Variants in VSTM4 observed in about 807,000 individuals in gnomAD.
VSTM4 encodes the protein V-set and transmembrane domain-containing protein 4.
Under a neutral mutation model 36.4 loss-of-function variants are expected in VSTM4, and 20 were observed. That is an observed-to-expected ratio of 0.55 (90% CI 0.39 to 0.80). The LOEUF (loss-of-function observed/expected upper bound fraction) is 0.80, where lower values mean the gene tolerates loss of function less well. Ranked by LOEUF, VSTM4 falls within the 30% of genes least tolerant of loss-of-function variation. The pLI is 0.00. For missense variants in VSTM4, 392 were observed against 404.5 expected, an observed-to-expected ratio of 0.97 and a Z score of 0.26; for synonymous variants, 182 against 173.9, an observed-to-expected ratio of 1.05 and a Z score of -0.37.
chr10:49,077,778 G>T (rs1304163699), intron 3 of VSTM4, among the ~76,000 whole-genome samples: 1 of 152,144 alleles, frequency 6.6e-6, no homozygotes, highest in Non-Finnish European at 1.5e-5. Context: ...TGACACAAGA[G>T]GCACCGTCTA....
At chr10:49,081,853 C>T (rs1844284583) in intron 3 of VSTM4, among the ~76,000 whole-genome samples, 1 of 152,226 alleles carries the variant, frequency 6.6e-6, no homozygotes, top group African/African-American at 2.4e-5. Flanking sequence ...AAAAGTGCTG[C>T]CTTGCAGGAG....
chr10:49,040,421 T>C (rs1358281676), intron 7 of VSTM4, among the ~76,000 whole-genome samples: 2 of 152,090 alleles, frequency 1.3e-5, no homozygotes, highest in Admixed American at 1.3e-4. Context: ...TAGCTGGGAT[T>C]ACAGGCATGT....
At chr10:49,035,409 C>G (rs534323978) in intron 7 of VSTM4, among the ~76,000 whole-genome samples, 1 of 152,306 alleles carries the variant, frequency 6.6e-6, no homozygotes, top group South Asian at 2.1e-4. Flanking sequence ...AGTTCCTTCT[C>G]AAAGCACAAA....
intron 2 of VSTM4, among the ~76,000 whole-genome samples, chr10:49,086,969 G>A (rs1474696830): frequency 6.6e-6 from 1 of 152,210 alleles, no homozygotes; most frequent in African/African-American, 2.4e-5. Flanking sequence ...ATCAACAAAA[G>A]AGACAAGAAA....
In VSTM4 at chr10:49,103,641, T is replaced by C. The variant is rs906381651; in HGVS notation, c.457+3953A>G. 4 of 1,529,694 alleles carry C rather than the reference T, an allele frequency of 2.6e-6. No homozygotes were observed. In the South Asian group the frequency reaches 4.0e-5, roughly 15 times the overall value. 94.8% of individuals were successfully genotyped at this position (1,529,694 alleles called of 1,614,324 possible). A position where few individuals can be genotyped will look rare whatever the true frequency, so the allele number is the denominator to read the frequency against. On this transcript the variant is annotated intron_variant, in intron 2 of 7. Coordinates refer to ENST00000332853, the MANE Select transcript of VSTM4 (RefSeq NM_001031746.5). ...ATATATCATCGCAAGTCACCCTCCA[T>C]GTGCTGGGCGAGGTGTTCATGACAG...
chr10:49,058,837 T>C (rs932831773), intron 5 of VSTM4, among the ~76,000 whole-genome samples: 1 of 152,276 alleles, frequency 6.6e-6, no homozygotes, highest in Admixed American at 6.5e-5. Context: ...CATCTTCTCC[T>C]GACCCTGTGC....
chr10:49,086,427 A>T (rs1844371833), intron 2 of VSTM4, among the ~76,000 whole-genome samples: 1 of 152,154 alleles, frequency 6.6e-6, no homozygotes, highest in Non-Finnish European at 1.5e-5. Flanking sequence ...TCATCAGATG[A>T]CTCAAGGTTA....
At chr10:49,035,216 C>T (rs1843409380) in intron 7 of VSTM4, among the ~76,000 whole-genome samples, 1 of 152,192 alleles carries the variant, frequency 6.6e-6, no homozygotes, top group South Asian at 2.1e-4. Context: ...TGCACCTGCT[C>T]ACCTTGGTCA....
intron 7 of VSTM4, among the ~76,000 whole-genome samples, chr10:49,024,809 G>A (rs1843232977): frequency 6.6e-6 from 1 of 152,120 alleles, no homozygotes; most frequent in Non-Finnish European, 1.5e-5. Context: ...GAACTAAGTA[G>A]CCCTGGGTAT....
intron 7 of VSTM4, among the ~76,000 whole-genome samples, chr10:49,033,407 A>C (rs1409364693): frequency 1.5e-5 from 2 of 133,066 alleles, no homozygotes; most frequent in Non-Finnish European, 3.3e-5. Context: ...ACATATTGGG[A>C]ATATATAATA....
chr10:49,099,025 G>A (rs891152009), intron 2 of VSTM4, among the ~76,000 whole-genome samples: 19 of 152,154 alleles, frequency 1.2e-4, no homozygotes, highest in Non-Finnish European at 2.6e-4. Flanking sequence ...CTCTGAAGGC[G>A]GTTGCTCATT....
intron 5 of VSTM4, among the ~76,000 whole-genome samples, chr10:49,053,209 T>C (rs2131965731): frequency 6.6e-6 from 1 of 152,312 alleles, no homozygotes; most frequent in Admixed American, 6.5e-5. Flanking sequence ...GAAGTGCTAT[T>C]TGTGGGAGCT....
chr10:49,027,083 G>A (rs911912047), intron 7 of VSTM4, among the ~76,000 whole-genome samples: 3 of 152,062 alleles, frequency 2.0e-5, no homozygotes, highest in African/African-American at 7.2e-5. Context: ...TGACACTGAT[G>A]CCATTGGCGG....
Position 49,115,489 on chromosome 10 carries a change from CCCG to C in VSTM4, c.-7_-5del, listed in dbSNP as rs1275874539. 2 of 1,002,496 alleles carry C rather than the reference CCCG, an allele frequency of 2.0e-6. No individual in the cohort carries two copies. Among genetic ancestry groups the C allele is most frequent in the Non-Finnish European group, 1.2e-6 (1 of 842,694 alleles). The allele number at this position is 1,002,496 out of a possible 1,614,324, so 62.1% of individuals were successfully genotyped here. A position where few individuals can be genotyped will look rare whatever the true frequency, so the allele number is the denominator to read the frequency against. On this transcript the variant is annotated 5_prime_UTR_variant, in exon 1 of 8. Transcript: ENST00000332853. ...CCGCCAGTGCCAGCAGCCGCATCTC[CCCG>C]CCGCCGCCCGGCGCTGTGACGCGGG...
At chr10:49,090,231 G>A (rs1352413973) in intron 2 of VSTM4, among the ~76,000 whole-genome samples, 1 of 152,230 alleles carries the variant, frequency 6.6e-6, no homozygotes, top group Non-Finnish European at 1.5e-5. Flanking sequence ...GGAGCCTTAA[G>A]CAAGAGTCAA....
In VSTM4 at chr10:49,048,573, G is replaced by T; in HGVS notation, c.680C>A (p.Thr227Asn). 1 of 1,589,446 alleles carries T rather than the reference G, an allele frequency of 6.3e-7. No homozygotes were observed. The highest frequency in any genetic ancestry group is 8.5e-7 in the Non-Finnish European group (1 of 1,171,962). Residue 227 changes from threonine to asparagine, a missense_variant, in exon 6 of 8, where the codon ACT becomes AAT. By Grantham distance (65) the Thr-to-Asn change is moderately conservative. Transcript: ENST00000332853. ...GGCCAAGCTGGTCACGCTAGTGACA[G>T]TCTCCCCTGAGCTGTAGAAGAAAAA... ...VKCPQNSSGE[T>N]VTSVTSLAPL... is the part of the protein sequence containing the mutation.
At chr10:49,039,438 G>A (rs1843485170) in intron 7 of VSTM4, among the ~76,000 whole-genome samples, 1 of 152,164 alleles carries the variant, frequency 6.6e-6, no homozygotes, top group South Asian at 2.1e-4. Flanking sequence ...CCACGCAGAG[G>A]ATGGATTGGA....
At chr10:49,062,978 T>A (rs1843907922) in intron 5 of VSTM4, among the ~76,000 whole-genome samples, 1 of 152,178 alleles carries the variant, frequency 6.6e-6, no homozygotes, top group Admixed American at 6.5e-5. Flanking sequence ...GCTGAGATTT[T>A]TTTATTTTGT....
intron 5 of VSTM4, among the ~76,000 whole-genome samples, chr10:49,054,913 A>G (rs1843753009): frequency 6.8e-6 from 1 of 147,228 alleles, no homozygotes; most frequent in Non-Finnish European, 1.5e-5. Flanking sequence ...GCCATCTCAA[A>G]GATGCTGGGT....
Sources: gnomAD v4.1 joint callset for allele counts (sites outside exome capture counted in the v4.1 genomes callset) on GRCh38, gnomAD v4.1.1 for gene constraint, MANE v1.5 for transcripts, NCBI Gene and HGNC (gene_info 2026-07-23, HGNC 2026-07-21) for gene names.